NAALADL2: variants seen among roughly 807,000 people sequenced by gnomAD.
NAALADL2 encodes the protein inactive N-acetylated-alpha-linked acidic dipeptidase-like protein 2.
A neutral mutation model predicts 87.2 loss-of-function variants in NAALADL2; 76 were observed. That is an observed-to-expected ratio of 0.87 (90% CI 0.72 to 1.05). The LOEUF (loss-of-function observed/expected upper bound fraction) is 1.05. NAALADL2 is among the 50% of genes least tolerant of loss of function. The probability of loss-of-function intolerance (pLI) is 0.00; values close to 1 mark genes in which losing one functional copy is unlikely to be tolerated. For missense variants in NAALADL2, 1,089 were observed against 945.8 expected (o/e 1.15, Z -1.99); for synonymous variants, 354 against 331.0 (o/e 1.07, Z -0.75).
At chr3:175,021,836 G>T (rs945027271) in intron 1 of NAALADL2, among the ~76,000 whole-genome samples, 3 of 152,114 alleles carry the variant, frequency 2.0e-5, no homozygotes, top group Non-Finnish European at 2.9e-5. Flanking sequence ...TGCATTTGGA[G>T]AACTTGGATA....
intron 1 of NAALADL2, among the ~76,000 whole-genome samples, chr3:174,458,799 A>G (rs937150844): frequency 6.6e-6 from 1 of 152,188 alleles, no homozygotes; most frequent in African/African-American, 2.4e-5. Context: ...ACCAAACCTA[A>G]TAGCCCAATG....
At chr3:174,730,952 ATAAT>A (rs1348351428) in intron 2 of NAALADL2, among the ~76,000 whole-genome samples, 1 of 152,166 alleles carries the variant, frequency 6.6e-6, no homozygotes, top group Non-Finnish European at 1.5e-5. Flanking sequence ...AAGTTTGAAC[ATAAT>A]TATTTTGTGA....
At chr3:175,553,890 G>A (rs1331232085) in intron 9 of NAALADL2, among the ~76,000 whole-genome samples, 4 of 151,908 alleles carry the variant, frequency 2.6e-5, no homozygotes, top group African/African-American at 9.7e-5. Flanking sequence ...TACAAGATAG[G>A]GGCTTTTATG....
At chr3:174,938,614 A>G (rs113195199) in intron 1 of NAALADL2, among the ~76,000 whole-genome samples, 6,852 of 152,150 alleles carry the variant, frequency 0.045, 475 homozygotes, top group African/African-American at 0.15. Context: ...GTTTTCCACA[A>G]TGGTTGAACT....
chr3:175,620,114 ACTTACC>A (rs1725997129), intron 10 of NAALADL2, among the ~76,000 whole-genome samples: 1 of 151,410 alleles, frequency 6.6e-6, no homozygotes, highest in Admixed American at 6.6e-5. Context: ...ATAGGTTTGC[ACTTACC>A]CTTCCACCAA....
intron 10 of NAALADL2, among the ~76,000 whole-genome samples, chr3:175,588,344 G>GGTC (rs1720844237): frequency 1.3e-5 from 2 of 151,984 alleles, no homozygotes; most frequent in African/African-American, 4.8e-5. Flanking sequence ...CAGAACCTGT[G>GGTC]AGGTACTCAA....
intron 4 of NAALADL2, among the ~76,000 whole-genome samples, chr3:175,315,146 G>T (rs1029903931): frequency 1.2e-4 from 18 of 152,070 alleles, no homozygotes; most frequent in Non-Finnish European, 5.9e-5. Context: ...GACTGACCTT[G>T]GGTGTAAAAA....
intron 3 of NAALADL2, among the ~76,000 whole-genome samples, chr3:174,806,384 A>T (rs959459029): frequency 1.3e-5 from 2 of 152,066 alleles, no homozygotes; most frequent in African/African-American, 4.8e-5. Flanking sequence ...ATTTCTTTGT[A>T]AGTCGGTCAA....
intron 1 of NAALADL2, among the ~76,000 whole-genome samples, chr3:175,046,369 G>T (rs945388905): frequency 1.3e-5 from 2 of 152,036 alleles, no homozygotes; most frequent in African/African-American, 2.4e-5. Context: ...TGTTTCCTCA[G>T]GAACCAGTTC....
At chr3:175,454,832 C>T (rs1560577731) in intron 6 of NAALADL2, among the ~76,000 whole-genome samples, 1 of 151,728 alleles carries the variant, frequency 6.6e-6, no homozygotes, top group South Asian at 2.1e-4. Context: ...TTCCTGGCAG[C>T]AAATATGGAC....
At chr3:175,547,856 A>C (rs1241522511) in intron 9 of NAALADL2, among the ~76,000 whole-genome samples, 2 of 152,166 alleles carry the variant, frequency 1.3e-5, no homozygotes, top group African/African-American at 4.8e-5. Flanking sequence ...GTGAAACAAC[A>C]TCTCATACCA....
chr3:175,043,431 A>T (rs1409187810), intron 1 of NAALADL2, among the ~76,000 whole-genome samples: 1 of 151,772 alleles, frequency 6.6e-6, no homozygotes, highest in African/African-American at 2.4e-5. Context: ...TAGAGATGGG[A>T]TTTTATCACA....
intron 2 of NAALADL2, among the ~76,000 whole-genome samples, chr3:175,138,887 AAT>A (rs58824117): frequency 0.18 from 17,310 of 94,478 alleles, 1,479 homozygotes; most frequent in Middle Eastern, 0.21. Context: ...AGCCTTTTAA[AAT>A]ATATATATAT....
intron 1 of NAALADL2, among the ~76,000 whole-genome samples, chr3:174,538,292 G>A (rs1245319180): frequency 1.3e-5 from 2 of 151,960 alleles, no homozygotes; most frequent in Non-Finnish European, 1.5e-5. Flanking sequence ...TAAGTTAACC[G>A]TAAAAATTAG....
chr3:174,710,281 G>T (rs1730498418), intron 2 of NAALADL2, among the ~76,000 whole-genome samples: 1 of 143,116 alleles, frequency 7.0e-6, no homozygotes, highest in South Asian at 2.2e-4. Context: ...TTGAGACCGA[G>T]TCTTGCTCTG....
intron 3 of NAALADL2, among the ~76,000 whole-genome samples, chr3:174,772,283 A>T (rs568007818): frequency 2.6e-5 from 4 of 152,308 alleles, no homozygotes; most frequent in African/African-American, 9.6e-5. Flanking sequence ...TTTTTCCAGC[A>T]TAATTTATTA....
At chr3:174,452,596 C>G (rs960837786) in intron 1 of NAALADL2, among the ~76,000 whole-genome samples, 2 of 151,950 alleles carry the variant, frequency 1.3e-5, no homozygotes, top group Non-Finnish European at 2.9e-5. Flanking sequence ...TTCGAGGAGC[C>G]AGAGAACAAA....
At chr3:175,400,756 C>G (rs1433580909) in intron 5 of NAALADL2, among the ~76,000 whole-genome samples, 2 of 152,088 alleles carry the variant, frequency 1.3e-5, no homozygotes, top group Non-Finnish European at 2.9e-5. Flanking sequence ...AATAATGCCA[C>G]TCTTCCCTAC....
intron 1 of NAALADL2, among the ~76,000 whole-genome samples, chr3:174,519,786 A>G (rs1720162085): frequency 6.6e-6 from 1 of 152,340 alleles, no homozygotes; most frequent in Non-Finnish European, 1.5e-5. Flanking sequence ...AATAAAATCT[A>G]GCATCCTTTC....
Sources: gnomAD v4.1 joint callset for allele counts (sites outside exome capture counted in the v4.1 genomes callset) on GRCh38, gnomAD v4.1.1 for gene constraint, MANE v1.5 for transcripts, NCBI Gene and HGNC (gene_info 2026-07-23, HGNC 2026-07-21) for gene names.